Variants in SEC31A observed in about 807,000 individuals in gnomAD.
SEC31A encodes protein transport protein Sec31A.
A neutral mutation model predicts 151.0 loss-of-function variants in SEC31A; 70 were observed. That is an observed-to-expected ratio of 0.46 (90% CI 0.38 to 0.57). The LOEUF (loss-of-function observed/expected upper bound fraction) is 0.57. Ranked by LOEUF, SEC31A falls within the 20% of genes least tolerant of loss-of-function variation. The pLI, the probability that SEC31A is intolerant of heterozygous loss-of-function variation, is 0.00. For synonymous variants in SEC31A, 475 were observed against 505.9 expected, an observed-to-expected ratio of 0.94 and a Z score of 0.82; for missense variants, 1,330 against 1,471.2, an observed-to-expected ratio of 0.90 and a Z score of 1.57.
intron 16 of SEC31A, among the ~76,000 whole-genome samples, chr4:82,856,159 GT>G (rs982196898): frequency 2.0e-5 from 3 of 150,752 alleles, no homozygotes; most frequent in South Asian, 2.1e-4. Context: ...AAAATTTTGG[GT>G]TTTTTTTTGA....
In SEC31A at chr4:82,849,595, C is replaced by T. The variant is rs185154503; in HGVS notation, c.2329-618G>A. 1.2e-3 allele frequency among the ~76,000 whole-genome samples: 127 copies of T among 101,900 alleles called. 1 individual carries two copies. The East Asian group carries it at 0.028, about 22-fold the overall frequency. 66.9% of individuals were successfully genotyped at this position (101,900 alleles called of 152,430 possible). On this transcript the variant is annotated intron_variant, in intron 19 of 26. Transcript: ENST00000395310. ...TACCACTGCACTCCAGCCTGGGCGA[C>T]AGAGCAAGAATCCGTCTCAAAAAAA...
chr4:82,849,526 A>G (rs891452143), intron 19 of SEC31A, among the ~76,000 whole-genome samples: 6 of 148,730 alleles, frequency 4.0e-5, no homozygotes, highest in Non-Finnish European at 8.9e-5. Context: ...AGGCAGAAGA[A>G]TGGCGTGAAC....
intron 1 of SEC31A, among the ~76,000 whole-genome samples, chr4:82,887,716 TA>T (rs1177564067): frequency 2.0e-5 from 3 of 152,240 alleles, no homozygotes; most frequent in African/African-American, 7.2e-5. Context: ...AAATGACAGT[TA>T]TTACAAACAT....
chr4:82,880,824 A>G lies in SEC31A; in HGVS notation c.178T>C (p.Cys60Arg), dbSNP rs147995480. ...CTGTGAGAAGAGGAGAATGTGGCAC[A>G]AGATTTCATATCCAAGGATGGATCA... Reference protein sequence around the residue: ...LSDPSLDMKSCATFSSSHRYH... With the variant: ...LSDPSLDMKSRATFSSSHRYH... Residue 60 changes from cysteine (C) to arginine (R), a missense_variant, in exon 3 of 27, where the codon TGT (cysteine) becomes CGT (arginine). By Grantham distance (180) the Cys-to-Arg change is radical. Transcript: ENST00000395310. The G allele has an allele frequency of 6.2e-7, 1 of 1,612,992 alleles. No individual in the cohort carries two copies. The highest frequency in any genetic ancestry group is 8.5e-7 in the Non-Finnish European group (1 of 1,179,334).
At chr4:82,837,129 C>T (rs1727494483) in intron 22 of SEC31A, among the ~76,000 whole-genome samples, 1 of 130,070 alleles carries the variant, frequency 7.7e-6, no homozygotes, top group Admixed American at 8.5e-5. Flanking sequence ...CAGAGCTGTA[C>T]CTTCAAACAT....
intron 2 of SEC31A, chr4:82,899,818 A>G (rs1720231477): frequency 6.5e-6 from 1 of 152,672 alleles, no homozygotes; most frequent in African/African-American, 2.4e-5. Context: ...TGTGCTATAC[A>G]AAGAAACGGA....
In SEC31A at chr4:82,866,872, C is replaced by G. The variant is rs755063850; in HGVS notation, c.1133G>C (p.Ser378Thr). Reference protein sequence around the residue: ...LQIPQQTAQHSIVLPLKKPPK... With the variant: ...LQIPQQTAQHTIVLPLKKPPK... ...CGGCTTCTTCAGAGGCAGCACTATACTATGCTGAGCAGTCTGCTGTGGAAT... is the reference window on the plus strand; with the variant it reads ...CGGCTTCTTCAGAGGCAGCACTATAGTATGCTGAGCAGTCTGCTGTGGAAT... The change falls in exon 10 of 27, where the codon AGT becomes ACT. Residue 378 changes from serine to threonine, a missense_variant. Transcript: ENST00000395310. 2.5e-6 allele frequency: 4 copies of G among 1,614,006 alleles called. No homozygotes were observed. The highest frequency in any genetic ancestry group is 2.5e-6 in the Non-Finnish European group (3 of 1,179,976).
rs1200827135 is a variant in SEC31A, at chr4:82,863,483, TAA to T, written c.1435-93_1435-92del. ...TGAATCAAATTCCAAAGAGAATTAT[TAA>T]AAATATCTGAAGTCTACATTCTAAA... On this transcript the variant is annotated intron_variant, in intron 11 of 26. Transcript: ENST00000395310. The T allele has an allele frequency of 4.3e-6, 3 of 690,016 alleles. No homozygotes were observed. The African/African-American group carries it at 5.6e-5, about 13-fold the overall frequency. 42.7% of individuals were successfully genotyped at this position (690,016 alleles called of 1,614,324 possible).
At chr4:82,888,396 A>ACGCG (rs1741417350) in intron 1 of SEC31A, among the ~76,000 whole-genome samples, 5 of 49,172 alleles carry the variant, frequency 1.0e-4, no homozygotes, top group African/African-American at 1.1e-4. Context: ...ATATATATAT[A>ACGCG]TACACACAGA....
chr4:82,821,178 T>C (rs1723226765), intron 25 of SEC31A, 70 bp from the exon 26 acceptor site: 13 of 1,188,684 alleles, frequency 1.1e-5, no homozygotes, highest in Non-Finnish European at 1.6e-5. Context: ...CCCTATCTCA[T>C]TGCACTAAAC....
intron 6 of SEC31A, among the ~76,000 whole-genome samples, chr4:82,874,042 G>A (rs1347155243): frequency 2.0e-5 from 3 of 152,096 alleles, no homozygotes; most frequent in Non-Finnish European, 4.4e-5. Flanking sequence ...GCTCATGCCT[G>A]TAATCCCAGC....
Position 82,853,378 on chromosome 4 carries a change from G to A in SEC31A, c.2154+192C>T, listed in dbSNP as rs377693774. On this transcript the variant is annotated intron_variant, in intron 18 of 26. Transcript: ENST00000395310. ...AAATCACAACCATGATTTTACAACA[G>A]CTGCAACCCCATTTTCCTATCCTAT... is the stretch of plus-strand genomic sequence containing the variant. Among the ~76,000 whole-genome samples, 4 of 152,130 alleles carry A rather than the reference G, an allele frequency of 2.6e-5. No individual in the cohort carries two copies. The East Asian group carries it at 7.7e-4, about 29-fold the overall frequency.
intron 15 of SEC31A, among the ~76,000 whole-genome samples, chr4:82,857,395 A>G (rs1034088517): frequency 1.3e-5 from 2 of 152,214 alleles, no homozygotes; most frequent in Non-Finnish European, 2.9e-5. Context: ...GTCTGAACAC[A>G]CCAGCCTTCC....
intron 22 of SEC31A, among the ~76,000 whole-genome samples, chr4:82,837,170 T>TAC (rs1553925932): frequency 2.1e-4 from 9 of 42,732 alleles, no homozygotes; most frequent in African/African-American, 4.4e-4. Context: ...TATATATATA[T>TAC]ATATATATAT....
chr4:82,857,161 A>G, intron 15 of SEC31A, 31 bp from the exon 16 acceptor site: 3 of 1,594,312 alleles, frequency 1.9e-6, no homozygotes, highest in Admixed American at 1.8e-5. Flanking sequence ...ATCCAAGTTA[A>G]ATAGAGTTTT....
intron 18 of SEC31A, among the ~76,000 whole-genome samples, chr4:82,852,056 G>T (rs1731565499): frequency 6.6e-6 from 1 of 152,178 alleles, no homozygotes; most frequent in African/African-American, 2.4e-5. Context: ...AACCCAGTGG[G>T]AGGTAATTGA....
chr4:82,867,699 C>T (rs906478940), intron 8 of SEC31A, among the ~76,000 whole-genome samples: 1 of 152,084 alleles, frequency 6.6e-6, no homozygotes, highest in Non-Finnish European at 1.5e-5. Flanking sequence ...TGGCAGCAGC[C>T]TCAGCTCACT....
At chr4:82,893,642 AATTAAGTCAGC>A (rs1329076719), upstream of SEC31A, 2 of 152,248 alleles carry the variant, frequency 1.3e-5, no homozygotes, top group African/African-American at 4.8e-5. Context: ...CAAAACAGAA[AATTAAGTCAGC>A]ATTAAGTCAA....
At chr4:82,886,442 T>C (rs1056909908) in intron 1 of SEC31A, among the ~76,000 whole-genome samples, 1 of 152,184 alleles carries the variant, frequency 6.6e-6, no homozygotes, top group Non-Finnish European at 1.5e-5. Flanking sequence ...ATACGTTTTA[T>C]AATAGGGAGC....
Sources: allele counts gnomAD v4.1 joint callset (sites outside exome capture counted in the v4.1 genomes callset), GRCh38; gene constraint gnomAD v4.1.1; transcripts MANE v1.5; gene names NCBI Gene and HGNC (gene_info 2026-07-23, HGNC 2026-07-21).